The following STING1 variants were observed in gnomAD, a reference collection of about 807,000 sequenced individuals.
STING1 encodes stimulator of interferon genes protein.
Under a neutral mutation model 31.6 loss-of-function variants are expected in STING1, and 19 were observed. The observed-to-expected ratio is 0.60, with a 90% CI of 0.42 to 0.88. The LOEUF is 0.88. STING1 is among the 40% of genes least tolerant of loss of function. The probability of loss-of-function intolerance (pLI) is 0.00; values close to 1 mark genes in which losing one functional copy is unlikely to be tolerated. For missense variants in STING1, 371 were observed against 483.7 expected, an observed-to-expected ratio of 0.77 and a Z score of 2.19; for synonymous variants, 200 against 208.6, an observed-to-expected ratio of 0.96 and a Z score of 0.35.
intron 6 of STING1, 142 bp from the exon 7 acceptor site, chr5:139,477,657 G>C: frequency 2.4e-6 from 2 of 833,014 alleles, no homozygotes; most frequent in Non-Finnish European, 3.7e-6. Flanking sequence ...CTGGGAGGTG[G>C]CCACCCTAAT....
At chr5:139,479,527 C>T (rs565969879) in intron 5 of STING1, among the ~76,000 whole-genome samples, 2 of 150,920 alleles carry the variant, frequency 1.3e-5, no homozygotes, top group East Asian at 3.9e-4. Context: ...CATGGTGAAA[C>T]CCCGTCTGTA....
chr5:139,476,562 C>G (rs1242540382), intron 7 of STING1, 108 bp from the exon 8 acceptor site: 1 of 969,256 alleles, frequency 1.0e-6, no homozygotes, highest in Admixed American at 2.5e-5. Context: ...TACCCCCCTT[C>G]CTACCCAAGC....
intron 5 of STING1, among the ~76,000 whole-genome samples, 170 bp downstream of exon 5, chr5:139,480,620 C>T (rs1751809736): frequency 6.6e-6 from 1 of 152,194 alleles, no homozygotes; most frequent in African/African-American, 2.4e-5. Context: ...TTCCTTTCTG[C>T]AAACTAGGCA....
chr5:139,479,775 G>A (rs1475318887), intron 5 of STING1, among the ~76,000 whole-genome samples: 5 of 148,096 alleles, frequency 3.4e-5, no homozygotes, highest in Non-Finnish European at 5.9e-5. Flanking sequence ...GGCCAAGGTG[G>A]GTGGATTACT....
Position 139,476,371 on chromosome 5 carries a change from C to G in STING1, c.1030G>C (p.Gly344Arg). The change falls in exon 8 of 8, where the codon GGC becomes CGC. Residue 344 changes from glycine (G) to arginine (R), a missense_variant. By Grantham distance (125) the Gly-to-Arg change is moderately radical. Transcript: ENST00000330794. ...GGCACCGCTGAGGTCTTCAAGCTGCCCACAGTAACCTCTTCCTTTTCCTCC... is the reference window on the plus strand; with the variant it reads ...GGCACCGCTGAGGTCTTCAAGCTGCGCACAGTAACCTCTTCCTTTTCCTCC... ...RQEEKEEVTV[G>R]SLKTSAVPST... 6.2e-7 allele frequency: 1 copy of G among 1,612,724 alleles called. No homozygotes were observed. Among genetic ancestry groups the G allele is most frequent in the Non-Finnish European group, 8.5e-7 (1 of 1,179,996 alleles).
At chr5:139,477,087 C>T (rs1161112965) in intron 7 of STING1, among the ~76,000 whole-genome samples, 1 of 152,112 alleles carries the variant, frequency 6.6e-6, no homozygotes, top group Non-Finnish European at 1.5e-5. Context: ...TCTGTTTCCT[C>T]TGGAATCCTA....
At position 139,481,767 on chromosome 5, in the gene STING1, G is replaced by T; in HGVS notation, c.1-63C>A. ...GCCCTCCTGCCCTTCTGGGACTGAGGCTCTGGCTGGGCACTTCCTCCCAGT... is the reference window on the plus strand; with the variant it reads ...GCCCTCCTGCCCTTCTGGGACTGAGTCTCTGGCTGGGCACTTCCTCCCAGT... On this transcript the variant is annotated intron_variant, in intron 2 of 7. Coordinates refer to ENST00000330794, the MANE Select transcript of STING1 (RefSeq NM_198282.4). This position sits in a 1 kb window ranked among gnomAD's most constrained non-coding sequence, Gnocchi z 4.1. 7.2e-7 allele frequency: 1 copy of T among 1,390,780 alleles called. No homozygotes were observed. Among genetic ancestry groups the T allele is most frequent in the Non-Finnish European group, 9.9e-7 (1 of 1,013,548 alleles). 86.2% of individuals were successfully genotyped at this position (1,390,780 alleles called of 1,614,324 possible). A position where few individuals can be genotyped will look rare whatever the true frequency, so the allele number is the denominator to read the frequency against.
chr5:139,478,562 T>C (rs1581450734), intron 5 of STING1, 54 bp from the exon 6 acceptor site: 1 of 1,503,660 alleles, frequency 6.7e-7, no homozygotes, highest in East Asian at 2.3e-5. Flanking sequence ...TCCCACCTGA[T>C]TCAGGAGTGA....
intron 6 of STING1, 51 bp from the exon 7 acceptor site, chr5:139,477,566 A>C: frequency 6.4e-7 from 1 of 1,570,136 alleles, no homozygotes; most frequent in Non-Finnish European, 8.7e-7. Flanking sequence ...AGGCGGATGG[A>C]GAATGGAGGG....
chr5:139,480,204 T>C (rs1056186297), intron 5 of STING1, among the ~76,000 whole-genome samples: 5 of 151,988 alleles, frequency 3.3e-5, no homozygotes, highest in African/African-American at 4.8e-5. Flanking sequence ...TCCTTCCTCA[T>C]AGGGTGTGAA....
Position 139,475,990 on chromosome 5 carries a change from A to C in STING1, c.*271T>G. 1 of 369,602 alleles carries C rather than the reference A, an allele frequency of 2.7e-6. No individual in the cohort carries two copies. The allele number at this position is 369,602 out of a possible 1,614,324, so 22.9% of individuals were successfully genotyped here. ...ACACTAGCATCCAAAGTTTATGAAA[A>C]ACTTCCACACACTCAGTCCTCACAA... On this transcript the variant is annotated 3_prime_UTR_variant, in exon 8 of 8. Coordinates refer to ENST00000330794, the MANE Select transcript of STING1 (RefSeq NM_198282.4).
intron 5 of STING1, 106 bp from the exon 6 acceptor site, chr5:139,478,614 A>T (rs1381030922): frequency 1.0e-6 from 1 of 986,196 alleles, no homozygotes; most frequent in Non-Finnish European, 1.6e-6. Flanking sequence ...GTGCCAGAGA[A>T]TGGAGAGTCC....
chr5:139,476,996 G>A (rs182894287), intron 7 of STING1, among the ~76,000 whole-genome samples: 7 of 151,934 alleles, frequency 4.6e-5, no homozygotes, highest in African/African-American at 1.2e-4. Flanking sequence ...AAACCTGCCC[G>A]AGGTCACACA....
chr5:139,481,980 C>A lies in STING1; in HGVS notation c.-1+230G>T, dbSNP rs1237626947. ...CAGGTGTGGTGAAGAAAGAAGGCAG[C>A]AACTATCCCAGACCCAGACTTGAAG... is the stretch of plus-strand genomic sequence containing the variant. On this transcript the variant is annotated intron_variant, in intron 2 of 7. Coordinates refer to ENST00000330794, the MANE Select transcript of STING1 (RefSeq NM_198282.4). This position sits in a 1 kb window ranked among gnomAD's most constrained non-coding sequence, Gnocchi z 4.1. 3 of 422,398 alleles carry A rather than the reference C, an allele frequency of 7.1e-6. No homozygotes were observed. In the Admixed American group the frequency reaches 1.2e-4, roughly 17 times the overall value. The allele number at this position is 422,398 out of a possible 1,614,324, so 26.2% of individuals were successfully genotyped here.
rs184009623 is a variant in STING1 at position 139,477,606 on chromosome 5, C to T, written c.760-91G>A. On this transcript the variant is annotated intron_variant, in intron 6 of 7. Coordinates refer to ENST00000330794, the MANE Select transcript of STING1 (RefSeq NM_198282.4). ...GTCCAGGCTCTGGCCCCCAGTGCCA[C>T]GGGCTGAGGCCCCACTCCCTCAGCC... 63 of 1,299,874 alleles carry T rather than the reference C, an allele frequency of 4.8e-5. No individual in the cohort carries two copies. In the East Asian group the frequency reaches 5.1e-4, roughly 11 times the overall value. 80.5% of individuals were successfully genotyped at this position (1,299,874 alleles called of 1,614,324 possible). A position where few individuals can be genotyped will look rare whatever the true frequency, so the allele number is the denominator to read the frequency against.
chr5:139,481,928 A>C lies in STING1; in HGVS notation c.1-224T>G, dbSNP rs1483426302. On this transcript the variant is annotated intron_variant, in intron 2 of 7. Transcript: ENST00000330794. The surrounding 1 kb of genome is among the most constrained non-coding windows in gnomAD (Gnocchi z 4.1). ...AAAACAGAGCAGGGCCTGCACATAC[A>C]CGCCCCACCAAGACCCAGGGAGACC... 1 of 524,712 alleles carries C rather than the reference A, an allele frequency of 1.9e-6. No homozygotes were observed. Among genetic ancestry groups the C allele is most frequent in the Non-Finnish European group, 3.4e-6 (1 of 293,316 alleles). 32.5% of individuals were successfully genotyped at this position (524,712 alleles called of 1,614,324 possible).
chr5:139,476,106 G>T lies in STING1; in HGVS notation c.*155C>A. ...GAGAGGGGAAATGACTGGCCCAAGG[G>T]GACAAGACGCATCTTAAGATGTCAA... On this transcript the variant is annotated 3_prime_UTR_variant, in exon 8 of 8. Coordinates refer to ENST00000330794, the MANE Select transcript of STING1 (RefSeq NM_198282.4). The T allele has an allele frequency of 1.6e-6, 1 of 611,912 alleles. No homozygotes were observed. The highest frequency in any genetic ancestry group is 2.9e-6 in the Non-Finnish European group (1 of 346,718). 37.9% of individuals were successfully genotyped at this position (611,912 alleles called of 1,614,324 possible).
At position 139,481,070 on chromosome 5, in the gene STING1, C is replaced by G. The variant is rs1751824447; in HGVS notation, c.411+89G>C. On this transcript the variant is annotated intron_variant, in intron 4 of 7. Transcript: ENST00000330794. The surrounding 1 kb of genome is among the most constrained non-coding windows in gnomAD (Gnocchi z 4.1). ...ACTCCATGGACTCCAGCCTTTAAAC[C>G]AGTCCCACTCCCAGTACTCAGCTCA... 9 of 1,399,840 alleles carry G rather than the reference C, an allele frequency of 6.4e-6. No homozygotes were observed. The highest frequency in any genetic ancestry group is 9.1e-6 in the Non-Finnish European group (9 of 990,264). 86.7% of individuals were successfully genotyped at this position (1,399,840 alleles called of 1,614,324 possible). A position where few individuals can be genotyped will look rare whatever the true frequency, so the allele number is the denominator to read the frequency against.
rs760019959 is a variant in STING1, at chr5:139,477,368, G to C, written c.907C>G (p.Pro303Ala). Residue 303 changes from proline to alanine, a missense_variant, in exon 7 of 8, where the codon CCT becomes GCT. Pro to Ala is a conservative substitution (Grantham distance 27, BLOSUM62 -1). Coordinates refer to ENST00000330794, the MANE Select transcript of STING1 (RefSeq NM_198282.4). ...AGGCGGCAGTTGTTCTGAGACTCAG[G>C]GGCATCTGCCAGGATGTCCTCAAGT... ...RTLEDILADA[P>A]ESQNNCRLIA... is the part of the protein sequence containing the mutation. The C allele has an allele frequency of 5.6e-6, 9 of 1,614,020 alleles. No individual in the cohort carries two copies.
Sources: allele counts gnomAD v4.1 joint callset (sites outside exome capture counted in the v4.1 genomes callset), GRCh38; gene constraint gnomAD v4.1.1; non-coding constraint Gnocchi (gnomAD v3.1); transcripts MANE v1.5; gene names NCBI Gene and HGNC (gene_info 2026-07-23, HGNC 2026-07-21).